The following CD47 variants were observed in gnomAD, a reference collection of about 807,000 sequenced individuals.
The protein encoded by CD47 is leukocyte surface antigen CD47.
In CD47, 11 loss-of-function variants were observed where a neutral mutation model predicts 44.6. The observed-to-expected ratio is 0.25, with a 90% CI of 0.16 to 0.41. The LOEUF (loss-of-function observed/expected upper bound fraction) is 0.41. CD47 is among the 10% of genes least tolerant of loss of function. The pLI is 1.00. For missense variants in CD47, 306 were observed against 386.7 expected, an observed-to-expected ratio of 0.79 and a Z score of 1.75; for synonymous variants, 140 against 136.3, an observed-to-expected ratio of 1.03 and a Z score of -0.19.
At chr3:108,077,060 G>A (rs1162844809) in intron 2 of CD47, among the ~76,000 whole-genome samples, 2 of 152,094 alleles carry the variant, frequency 1.3e-5, no homozygotes, top group Non-Finnish European at 2.9e-5. Flanking sequence ...ATCTTATAGT[G>A]TTTCCATGTA....
intron 3 of CD47, 50 bp from the exon 4 acceptor site, chr3:108,060,902 C>T (rs776598950): frequency 8.2e-7 from 1 of 1,215,636 alleles, no homozygotes; most frequent in African/African-American, 1.5e-5. Context: ...CAAGTGAAGC[C>T]ATTTTAATAA....
At chr3:108,057,449 T>C (rs1391590393) in intron 7 of CD47, 28 bp downstream of exon 7, 4 of 1,005,344 alleles carry the variant, frequency 4.0e-6, no homozygotes, top group Admixed American at 3.5e-5. Flanking sequence ...ATTATTGGCA[T>C]AGGTTAATGA....
chr3:108,057,899 T>A (rs956086188), intron 6 of CD47, among the ~76,000 whole-genome samples: 6 of 152,210 alleles, frequency 3.9e-5, no homozygotes, highest in African/African-American at 1.4e-4. Flanking sequence ...CACCAAGCCA[T>A]ATATACAGCT....
In CD47 at chr3:108,051,824, C is replaced by T. The variant is rs201035231; in HGVS notation, c.909+115G>A. ...TGCAAAGGTCATGCAATGACTTCAA[C>T]ATTCTCTTAATTTGACGTGAGACAA... On this transcript the variant is annotated intron_variant, in intron 8 of 10. Coordinates refer to ENST00000361309, the MANE Select transcript of CD47 (RefSeq NM_001777.4). 13 of 813,034 alleles carry T rather than the reference C, an allele frequency of 1.6e-5. No homozygotes were observed. In the South Asian group the frequency reaches 1.7e-4, roughly 11 times the overall value. The allele number at this position is 813,034 out of a possible 1,614,324, so 50.4% of individuals were successfully genotyped here. A position where few individuals can be genotyped will look rare whatever the true frequency, so the allele number is the denominator to read the frequency against.
chr3:108,071,805 C>T (rs759827578), intron 2 of CD47, among the ~76,000 whole-genome samples: 8 of 152,058 alleles, frequency 5.3e-5, no homozygotes, highest in Non-Finnish European at 1.0e-4. Context: ...GGAACCTAAG[C>T]GAGGAAGATG....
chr3:108,079,735 A>G (rs1288973989), intron 2 of CD47, among the ~76,000 whole-genome samples: 1 of 151,900 alleles, frequency 6.6e-6, no homozygotes, highest in Non-Finnish European at 1.5e-5. Context: ...TCCTTAGACC[A>G]AAAGTTTGAG....
intron 10 of CD47, among the ~76,000 whole-genome samples, chr3:108,048,371 GTTTTTTT>G (rs146476512): frequency 0.21 from 16,638 of 80,206 alleles, 1,263 homozygotes; most frequent in Middle Eastern, 0.42. Flanking sequence ...TGACTGGAGT[GTTTTTTT>G]TTTTTTTTTT....
chr3:108,086,662 T>A (rs1199315938), intron 1 of CD47, among the ~76,000 whole-genome samples: 1 of 152,138 alleles, frequency 6.6e-6, no homozygotes, highest in Non-Finnish European at 1.5e-5. Flanking sequence ...TTTGGCAGTG[T>A]AAGAAAGCAG....
At chr3:108,055,427 T>G (rs1012015868) in intron 7 of CD47, 10 of 674,596 alleles carry the variant, frequency 1.5e-5, no homozygotes, top group African/African-American at 7.6e-5. Context: ...TAATGTTACA[T>G]AGATTCAGAT....
chr3:108,054,151 G>C (rs2078875956), intron 7 of CD47: 1 of 152,258 alleles, frequency 6.6e-6, no homozygotes, highest in Non-Finnish European at 1.5e-5. Flanking sequence ...GGGAGGCTGA[G>C]GTGGGAGCAT....
chr3:108,075,027 C>T (rs2108259478), intron 2 of CD47, among the ~76,000 whole-genome samples: 1 of 152,306 alleles, frequency 6.6e-6, no homozygotes, highest in East Asian at 1.9e-4. Flanking sequence ...ATACTTCTTT[C>T]AGCTCTGAAT....
intron 2 of CD47, 60 bp downstream of exon 2, chr3:108,079,931 C>A: frequency 8.6e-7 from 1 of 1,166,598 alleles, no homozygotes. Flanking sequence ...GGCCTCCTCT[C>A]GAAAGAGGAT....
intron 1 of CD47, among the ~76,000 whole-genome samples, chr3:108,081,803 T>C (rs140656625): frequency 8.9e-4 from 136 of 152,052 alleles, no homozygotes; most frequent in Middle Eastern, 3.4e-3. Flanking sequence ...GGTGATACTA[T>C]AAAAACTAGA....
intron 4 of CD47, 75 bp downstream of exon 4, chr3:108,060,670 A>G: frequency 1.1e-6 from 1 of 948,570 alleles, no homozygotes. Flanking sequence ...GCCCTAGGAA[A>G]CTAATGCAGC....
At chr3:108,080,754 T>C (rs1407767873) in intron 1 of CD47, among the ~76,000 whole-genome samples, 1 of 151,898 alleles carries the variant, frequency 6.6e-6, no homozygotes, top group Admixed American at 6.6e-5. Flanking sequence ...AAATATTTTA[T>C]TCAGTCTCAA....
At chr3:108,051,799 T>C (rs752956432) in intron 8 of CD47, 140 bp downstream of exon 8, 1 of 729,810 alleles carries the variant, frequency 1.4e-6, no homozygotes, top group Non-Finnish European at 2.6e-6. Context: ...GACCCATTCA[T>C]GCAAAGGTCA....
At chr3:108,074,934 T>C (rs951103039) in intron 2 of CD47, among the ~76,000 whole-genome samples, 5 of 152,250 alleles carry the variant, frequency 3.3e-5, no homozygotes, top group Admixed American at 1.3e-4. Context: ...AAGCCACTTA[T>C]ATGCCTATTA....
chr3:108,077,359 G>GT (rs981927233), intron 2 of CD47, among the ~76,000 whole-genome samples: 1 of 151,856 alleles, frequency 6.6e-6, no homozygotes, highest in Non-Finnish European at 1.5e-5. Context: ...TTTGTTTGTT[G>GT]TTTTTTTCAG....
intron 2 of CD47, among the ~76,000 whole-genome samples, chr3:108,074,147 C>G (rs530771155): frequency 6.6e-6 from 1 of 152,152 alleles, no homozygotes; most frequent in African/African-American, 2.4e-5. Flanking sequence ...AGTAAAAAAT[C>G]TGAATCGCCA....
Sources: gnomAD v4.1 joint callset for allele counts (sites outside exome capture counted in the v4.1 genomes callset) on GRCh38, gnomAD v4.1.1 for gene constraint, MANE v1.5 for transcripts, NCBI Gene and HGNC (gene_info 2026-07-23, HGNC 2026-07-21) for gene names.